NAB1: variants seen among roughly 807,000 people sequenced by gnomAD.
The protein encoded by NAB1 is NGFI-A-binding protein 1.
Under a neutral mutation model 49.9 loss-of-function variants are expected in NAB1, and 25 were observed. The observed-to-expected ratio is 0.50, with a 90% CI of 0.37 to 0.70. The LOEUF is 0.70. Ranked by LOEUF, NAB1 falls within the 30% of genes least tolerant of loss-of-function variation. The probability of loss-of-function intolerance (pLI) is 0.00; values close to 1 mark genes in which losing one functional copy is unlikely to be tolerated. For missense variants in NAB1, 489 were observed against 575.9 expected (o/e 0.85, Z 1.54); for synonymous variants, 198 against 215.6 (o/e 0.92, Z 0.71).
Position 190,657,678 on chromosome 2 carries a change from G to A in NAB1, c.-19-1480G>A, listed in dbSNP as rs1693996754. ...GATGTGGATGACACAGAGGTTCCAG[G>A]AGATGGGACTTCCGGTAGTCAGTGC... On this transcript the variant is annotated intron_variant, in intron 3 of 9. Coordinates refer to ENST00000337386, the MANE Select transcript of NAB1 (RefSeq NM_005966.4). The surrounding 1 kb of genome is among the most constrained non-coding windows in gnomAD (Gnocchi z 4.4). Among the ~76,000 whole-genome samples the A allele has an allele frequency of 6.6e-6, 1 of 152,216 alleles. No homozygotes were observed. Among genetic ancestry groups the A allele is most frequent in the Non-Finnish European group, 1.5e-5 (1 of 68,034 alleles).
rs1559221337 is a variant in NAB1 at position 190,652,369 on chromosome 2, T to G, written c.-197+2387T>G. ...GGGTACTTAATGTTTGTTGAATGAC[T>G]TGATGGTTGGTTGGTTAAGAATTTC... On this transcript the variant is annotated intron_variant, in intron 2 of 9. Coordinates refer to ENST00000337386, the MANE Select transcript of NAB1 (RefSeq NM_005966.4). This position sits in a 1 kb window ranked among gnomAD's most constrained non-coding sequence, Gnocchi z 4.2. Among the ~76,000 whole-genome samples the G allele has an allele frequency of 6.6e-6, 1 of 152,200 alleles. No homozygotes were observed. Among genetic ancestry groups the G allele is most frequent in the African/African-American group, 2.4e-5 (1 of 41,450 alleles).
At chr2:190,650,164 C>T (rs1018221029) in intron 2 of NAB1, among the ~76,000 whole-genome samples, 182 bp downstream of exon 2, 6 of 152,152 alleles carry the variant, frequency 3.9e-5, no homozygotes, top group Admixed American at 3.3e-4. Context: ...TTCTGCAGAC[C>T]AAGCTTTGCA....
rs980248229 is a variant in NAB1 at position 190,657,775 on chromosome 2, T to G, written c.-19-1383T>G. Among the ~76,000 whole-genome samples, 2 of 152,212 alleles carry G rather than the reference T, an allele frequency of 1.3e-5. No individual in the cohort carries two copies. Among genetic ancestry groups the G allele is most frequent in the African/African-American group, 4.8e-5 (2 of 41,452 alleles). On this transcript the variant is annotated intron_variant, in intron 3 of 9. Transcript: ENST00000337386. The surrounding 1 kb of genome is among the most constrained non-coding windows in gnomAD (Gnocchi z 4.4). ...CTAGAATTTTGTGTAGCATTCTGAT[T>G]GGTGGCATAAAACAAAAGTCCCAAG...
At chr2:190,650,166 A>T (rs1475762041) in intron 2 of NAB1, among the ~76,000 whole-genome samples, 184 bp downstream of exon 2, 1 of 152,230 alleles carries the variant, frequency 6.6e-6, no homozygotes, top group Admixed American at 6.5e-5. Context: ...CTGCAGACCA[A>T]GCTTTGCAGC....
rs778573706 is a variant in NAB1 at position 190,670,306 on chromosome 2, A to G, written c.820-20A>G. On this transcript the variant is annotated intron_variant, in intron 4 of 9. Coordinates refer to ENST00000337386, the MANE Select transcript of NAB1 (RefSeq NM_005966.4). This position sits in a 1 kb window ranked among gnomAD's most constrained non-coding sequence, Gnocchi z 5.3. ...AAATTAAAATGTTCTTAATTTTGAA[A>G]CTCTGTTTTGGATATCCAGCTCACT... is the stretch of plus-strand genomic sequence containing the variant. 3 of 1,579,296 alleles carry G rather than the reference A, an allele frequency of 1.9e-6. No homozygotes were observed. Among genetic ancestry groups the G allele is most frequent in the Non-Finnish European group, 2.6e-6 (3 of 1,167,364 alleles).
chr2:190,651,571 G>A lies in NAB1; in HGVS notation c.-197+1589G>A, dbSNP rs1693670294. 6.6e-6 allele frequency among the ~76,000 whole-genome samples: 1 copy of A among 152,108 alleles called. No homozygotes were observed. Among genetic ancestry groups the A allele is most frequent in the Admixed American group, 6.5e-5 (1 of 15,292 alleles). ...CAGTTTCTAAAGAAAATATAGACAT[G>A]GGGTCTCGCTGTGTTGCCCAGGTTG... On this transcript the variant is annotated intron_variant, in intron 2 of 9. Coordinates refer to ENST00000337386, the MANE Select transcript of NAB1 (RefSeq NM_005966.4). This position sits in a 1 kb window ranked among gnomAD's most constrained non-coding sequence, Gnocchi z 4.3.
At position 190,659,017 on chromosome 2, in the gene NAB1, T is replaced by C. The variant is rs11684257; in HGVS notation, c.-19-141T>C. On this transcript the variant is annotated intron_variant, in intron 3 of 9. Transcript: ENST00000337386. The surrounding 1 kb of genome is among the most constrained non-coding windows in gnomAD (Gnocchi z 6.2). The stretch of plus-strand genomic sequence containing the variant: ...GGAGTTCAGAATGAGATAAAGTATG[T>C]AGAGAGAATGCTGCCTTCACAGGCA... 0.3 allele frequency: 180,072 copies of C among 603,700 alleles called. 29,050 individuals carry two copies. Among genetic ancestry groups the C allele is most frequent in the South Asian group, 0.39 (17,701 of 45,432 alleles). The allele number at this position is 603,700 out of a possible 1,614,324, so 37.4% of individuals were successfully genotyped here.
chr2:190,659,707 C>T lies in NAB1; in HGVS notation c.531C>T (p.Asp177=), dbSNP rs759254712. The T allele has an allele frequency of 6.2e-7, 1 of 1,613,908 alleles. No individual in the cohort carries two copies. Reference sequence around the variant, plus strand: ...GCGAGCACAGCCTCTCCCCAGCAGACCTGGGCTCCCCCGCGTCCCCAAAGG... The same window carrying T: ...GCGAGCACAGCCTCTCCCCAGCAGATCTGGGCTCCCCCGCGTCCCCAAAGG... The part of the protein sequence containing the change: ...TESEHSLSPA[D]LGSPASPKES... Residue 177 remains aspartate (D), a synonymous_variant, in exon 4 of 10, where the codon GAC becomes GAT. Transcript: ENST00000337386. The surrounding 1 kb of genome is among the most constrained non-coding windows in gnomAD (Gnocchi z 6.2).
At chr2:190,690,029 C>CATATATGTATAGTATACATATATG (rs1446936027) in intron 9 of NAB1, among the ~76,000 whole-genome samples, 3 of 14,044 alleles carry the variant, frequency 2.1e-4, no homozygotes, top group South Asian at 2.4e-3. Context: ...TATATGTATA[C>CATATATGTATAGTATACATATATG]TATATGTATA....
In NAB1 at chr2:190,659,136, C is replaced by CTTTTT; in HGVS notation, c.-19-10_-19-6dup. On this transcript the variant is annotated intron_variant, in intron 3 of 9. Coordinates refer to ENST00000337386, the MANE Select transcript of NAB1 (RefSeq NM_005966.4). The surrounding 1 kb of genome is among the most constrained non-coding windows in gnomAD (Gnocchi z 6.2). ...TTGAAGCAAGTATGATGAGTTTTTA[C>CTTTTT]TTTTTTTTTTTTTTTTGGCAGGTTA... The CTTTTT allele has an allele frequency of 2.5e-6, 3 of 1,190,320 alleles. No individual in the cohort carries two copies. The highest frequency in any genetic ancestry group is 1.7e-5 in the South Asian group (1 of 60,214). 73.7% of individuals were successfully genotyped at this position (1,190,320 alleles called of 1,614,324 possible).
At position 190,651,485 on chromosome 2, in the gene NAB1, A is replaced by G. The variant is rs1479606260; in HGVS notation, c.-197+1503A>G. Among the ~76,000 whole-genome samples the G allele has an allele frequency of 6.6e-6, 1 of 152,162 alleles. No individual in the cohort carries two copies. The highest frequency in any genetic ancestry group is 2.4e-5 in the African/African-American group (1 of 41,436). The stretch of plus-strand genomic sequence containing the variant: ...AATTATAAACTGGGGGACATCTTTG[A>G]TGAATTTGTTAATGAACTTTAAATA... On this transcript the variant is annotated intron_variant, in intron 2 of 9. Transcript: ENST00000337386. This position sits in a 1 kb window ranked among gnomAD's most constrained non-coding sequence, Gnocchi z 4.3.
Position 190,686,776 on chromosome 2 carries a change from C to T in NAB1, c.1259-425C>T, listed in dbSNP as rs1485340830. On this transcript the variant is annotated intron_variant, in intron 8 of 9. Coordinates refer to ENST00000337386, the MANE Select transcript of NAB1 (RefSeq NM_005966.4). This position sits in a 1 kb window ranked among gnomAD's most constrained non-coding sequence, Gnocchi z 5.5. ...TATTTGTGCTAAATCTGTTTTTTCA[C>T]GGATTTTGCTGTAGTTTTTTTTTTT... Among the ~76,000 whole-genome samples the T allele has an allele frequency of 3.3e-5, 5 of 151,368 alleles. No homozygotes were observed. Among genetic ancestry groups the T allele is most frequent in the Admixed American group, 3.3e-4 (5 of 15,210 alleles).
intron 5 of NAB1, among the ~76,000 whole-genome samples, chr2:190,671,596 C>A (rs1187337450): frequency 6.6e-6 from 1 of 151,074 alleles, no homozygotes; most frequent in African/African-American, 2.4e-5. Flanking sequence ...AAATAATTTT[C>A]TTTAATCAAA....
rs1220726718 is a variant in NAB1 at position 190,657,086 on chromosome 2, C to T, written c.-20+933C>T. ...GTTGAAAGCCTATGGAGGAATTGCACGAGGTGTATGATAGGAAAGTAAATG... is the reference window on the plus strand; with the variant it reads ...GTTGAAAGCCTATGGAGGAATTGCATGAGGTGTATGATAGGAAAGTAAATG... On this transcript the variant is annotated intron_variant, in intron 3 of 9. Coordinates refer to ENST00000337386, the MANE Select transcript of NAB1 (RefSeq NM_005966.4). The surrounding 1 kb of genome is among the most constrained non-coding windows in gnomAD (Gnocchi z 4.4). Among the ~76,000 whole-genome samples, 2 of 152,074 alleles carry T rather than the reference C, an allele frequency of 1.3e-5. No individual in the cohort carries two copies. The highest frequency in any genetic ancestry group is 2.9e-5 in the Non-Finnish European group (2 of 68,022).
rs1695919759 is a variant in NAB1, at chr2:190,691,086, A to G, written c.*753A>G. The G allele has an allele frequency of 6.6e-6, 1 of 152,616 alleles. No individual in the cohort carries two copies. The highest frequency in any genetic ancestry group is 6.5e-5 in the Admixed American group (1 of 15,290). 9.5% of individuals were successfully genotyped at this position (152,616 alleles called of 1,614,324 possible). On this transcript the variant is annotated 3_prime_UTR_variant, in exon 10 of 10. Transcript: ENST00000337386. The surrounding 1 kb of genome is among the most constrained non-coding windows in gnomAD (Gnocchi z 4.1). ...TATTAATAGCTACTTAAGATGTTTC[A>G]AAGATAGGAAGCTATTGCTTGGACA...
intron 2 of NAB1, among the ~76,000 whole-genome samples, chr2:190,655,674 C>T (rs1430138058): frequency 6.6e-6 from 1 of 152,124 alleles, no homozygotes; most frequent in Non-Finnish European, 1.5e-5. Context: ...TTAAAGCCCT[C>T]TGTCCTATCA....
Position 190,680,048 on chromosome 2 carries a change from T to A in NAB1, c.1006-3690T>A, listed in dbSNP as rs1019046112. ...GAGAATGTCATAACCAAACTCTCAG[T>A]TGCCTTATTTCTGCGGCACCTGCCA... On this transcript the variant is annotated intron_variant, in intron 6 of 9. Transcript: ENST00000337386. This position sits in a 1 kb window ranked among gnomAD's most constrained non-coding sequence, Gnocchi z 5.2. Among the ~76,000 whole-genome samples the A allele has an allele frequency of 6.6e-6, 1 of 152,214 alleles. No homozygotes were observed. The highest frequency in any genetic ancestry group is 2.4e-5 in the African/African-American group (1 of 41,462).
At chr2:190,672,158 C>T (rs1694845376) in intron 5 of NAB1, among the ~76,000 whole-genome samples, 1 of 151,878 alleles carries the variant, frequency 6.6e-6, no homozygotes, top group African/African-American at 2.4e-5. Context: ...TCCTAAGGTG[C>T]CCTCATTATT....
chr2:190,658,416 A>C (rs546861456), intron 3 of NAB1, among the ~76,000 whole-genome samples: 36 of 152,286 alleles, frequency 2.4e-4, no homozygotes, highest in African/African-American at 8.2e-4. Context: ...TCTCGTAGTC[A>C]CCTGTAACTC....
Sources: allele counts gnomAD v4.1 joint callset (sites outside exome capture counted in the v4.1 genomes callset), GRCh38; gene constraint gnomAD v4.1.1; non-coding constraint Gnocchi (gnomAD v3.1); transcripts MANE v1.5; gene names NCBI Gene and HGNC (gene_info 2026-07-23, HGNC 2026-07-21).